The following EVI5 variants were observed in gnomAD, a reference collection of about 807,000 sequenced individuals.
EVI5 encodes the protein ecotropic viral integration site 5.
In EVI5, 73 loss-of-function variants were observed where a neutral mutation model predicts 112.0. The ratio of observed to expected loss-of-function variants is 0.65; its 90% CI spans 0.54 to 0.79. The LOEUF (loss-of-function observed/expected upper bound fraction) is 0.79, where lower values mean the gene tolerates loss of function less well. Ranked by LOEUF, EVI5 falls within the 30% of genes least tolerant of loss-of-function variation. The pLI is 0.00. For missense variants in EVI5, 900 were observed against 968.8 expected (o/e 0.93, Z 0.94); for synonymous variants, 305 against 319.9 (o/e 0.95, Z 0.50).
chr1:92,540,600 G>T (rs1429648202), intron 19 of EVI5, among the ~76,000 whole-genome samples: 2 of 152,048 alleles, frequency 1.3e-5, no homozygotes, highest in Non-Finnish European at 2.9e-5. Flanking sequence ...TAAATGATTT[G>T]ATTTTTTTCT....
intron 2 of EVI5, among the ~76,000 whole-genome samples, chr1:92,715,827 G>A (rs545523611): frequency 1.3e-5 from 2 of 152,276 alleles, no homozygotes; most frequent in East Asian, 3.9e-4. Context: ...CTGGCTCGGT[G>A]GGTCCCACAC....
intron 13 of EVI5, among the ~76,000 whole-genome samples, chr1:92,652,819 C>A (rs1662359281): frequency 6.6e-6 from 1 of 152,166 alleles, no homozygotes; most frequent in Non-Finnish European, 1.5e-5. Context: ...CCAGAGAATG[C>A]TGGAGGCTAG....
intron 10 of EVI5, among the ~76,000 whole-genome samples, chr1:92,671,291 C>A (rs1261481322): frequency 6.6e-6 from 1 of 152,194 alleles, no homozygotes; most frequent in Non-Finnish European, 1.5e-5. Flanking sequence ...GTAAATCCTT[C>A]TCTCTTTCTC....
At chr1:92,515,682 A>C (rs17371561) in intron 19 of EVI5, among the ~76,000 whole-genome samples, 10,583 of 152,292 alleles carry the variant, frequency 0.069, 478 homozygotes, top group Non-Finnish European at 0.1. Context: ...TCAATTCTTT[A>C]GATAAAGGCA....
At chr1:92,721,016 G>T (rs544614127) in intron 2 of EVI5, among the ~76,000 whole-genome samples, 2 of 152,122 alleles carry the variant, frequency 1.3e-5, no homozygotes, top group African/African-American at 4.8e-5. Context: ...TCATTAAAAA[G>T]TCAGGAAACA....
At chr1:92,524,045 C>T (rs183903942) in intron 19 of EVI5, among the ~76,000 whole-genome samples, 44 of 148,690 alleles carry the variant, frequency 3.0e-4, no homozygotes, top group Non-Finnish European at 6.1e-4. Flanking sequence ...TGCAGTGAGC[C>T]GAGATAGCGC....
intron 18 of EVI5, among the ~76,000 whole-genome samples, chr1:92,570,969 A>G (rs1670239584): frequency 6.6e-6 from 1 of 152,142 alleles, no homozygotes; most frequent in Non-Finnish European, 1.5e-5. Flanking sequence ...TTTAACTTTA[A>G]AAGTGTTTCT....
At chr1:92,603,853 T>C (rs1649743926) in intron 18 of EVI5, among the ~76,000 whole-genome samples, 1 of 151,986 alleles carries the variant, frequency 6.6e-6, no homozygotes, top group Non-Finnish European at 1.5e-5. Context: ...CTCAGCCTCC[T>C]AAGTAACCGC....
chr1:92,633,314 C>T (rs1384863101), intron 14 of EVI5, among the ~76,000 whole-genome samples: 1 of 152,194 alleles, frequency 6.6e-6, no homozygotes, highest in Non-Finnish European at 1.5e-5. Context: ...GTCTAAGTCT[C>T]TTTGTAGCTC....
At chr1:92,530,118 C>T (rs1031892404) in intron 19 of EVI5, among the ~76,000 whole-genome samples, 1 of 152,114 alleles carries the variant, frequency 6.6e-6, no homozygotes. Flanking sequence ...TATTTATATC[C>T]TAGAACTTAG....
intron 18 of EVI5, among the ~76,000 whole-genome samples, chr1:92,582,437 A>C (rs1002208924): frequency 1.3e-5 from 2 of 152,206 alleles, no homozygotes; most frequent in Non-Finnish European, 2.9e-5. Context: ...GCAGTGACTT[A>C]TATCTAGGCT....
At chr1:92,730,804 T>G (rs749277745) in intron 2 of EVI5, among the ~76,000 whole-genome samples, 2 of 152,144 alleles carry the variant, frequency 1.3e-5, no homozygotes, top group Non-Finnish European at 2.9e-5. Flanking sequence ...GTATGTCTGT[T>G]CACCACTTCC....
chr1:92,761,015 G>A (rs886091576), intron 1 of EVI5, among the ~76,000 whole-genome samples: 7 of 127,876 alleles, frequency 5.5e-5, no homozygotes, highest in East Asian at 2.4e-4. Flanking sequence ...CCGAGATAGC[G>A]CCACTGCACT....
At chr1:92,636,719 G>C (rs578077661) in intron 13 of EVI5, among the ~76,000 whole-genome samples, 8 of 152,202 alleles carry the variant, frequency 5.3e-5, no homozygotes, top group Middle Eastern at 3.4e-3. Context: ...CTGAACACTT[G>C]AAATGTGGCT....
chr1:92,591,136 C>A (rs1279820957), intron 18 of EVI5, among the ~76,000 whole-genome samples: 3 of 152,228 alleles, frequency 2.0e-5, no homozygotes, highest in Non-Finnish European at 4.4e-5. Flanking sequence ...AAAGGAACAA[C>A]TGATACCAGC....
chr1:92,515,837 G>C (rs1231812199), intron 19 of EVI5, among the ~76,000 whole-genome samples: 1 of 152,138 alleles, frequency 6.6e-6, no homozygotes, highest in Non-Finnish European at 1.5e-5. Flanking sequence ...TTCCCTGCTT[G>C]TATATGACAA....
intron 19 of EVI5, among the ~76,000 whole-genome samples, chr1:92,517,236 C>T (rs1326759820): frequency 1.3e-5 from 2 of 152,176 alleles, no homozygotes; most frequent in Admixed American, 6.5e-5. Flanking sequence ...ATCACCTAAA[C>T]AATACAGTAT....
intron 2 of EVI5, among the ~76,000 whole-genome samples, chr1:92,715,676 A>T (rs1673528321): frequency 6.6e-6 from 1 of 152,202 alleles, no homozygotes. Context: ...CCCAGTAAGC[A>T]CAAGGCTTCG....
At chr1:92,598,480 G>A (rs1441450961) in intron 18 of EVI5, among the ~76,000 whole-genome samples, 2 of 152,104 alleles carry the variant, frequency 1.3e-5, no homozygotes, top group Non-Finnish European at 2.9e-5. Flanking sequence ...AACTAGAATA[G>A]GAATGTTATT....
Sources: allele counts gnomAD v4.1 joint callset (sites outside exome capture counted in the v4.1 genomes callset), GRCh38; gene constraint gnomAD v4.1.1; transcripts MANE v1.5; gene names NCBI Gene and HGNC (gene_info 2026-07-23, HGNC 2026-07-21).